Variants in SLCO1B3 observed in about 807,000 individuals in gnomAD.
SLCO1B3 encodes the protein solute carrier organic anion transporter family member 1B3, also known as liver-specific organic anion transporter 2.
Under a neutral mutation model 71.8 loss-of-function variants are expected in SLCO1B3, and 72 were observed. The observed-to-expected ratio is 1.00, with a 90% CI of 0.83 to 1.22. SLCO1B3 has a LOEUF of 1.22. Ranked by LOEUF, SLCO1B3 falls within the 50% of genes most tolerant of loss-of-function variation. The pLI, the probability that SLCO1B3 is intolerant of heterozygous loss-of-function variation, is 0.00. For missense variants in SLCO1B3, 911 were observed against 819.7 expected (o/e 1.11, Z -1.36); for synonymous variants, 298 against 278.4 (o/e 1.07, Z -0.70).
intron 15 of SLCO1B3, among the ~76,000 whole-genome samples, chr12:20,913,917 A>G (rs1295145276): frequency 2.6e-5 from 4 of 151,898 alleles, no homozygotes; most frequent in Non-Finnish European, 5.9e-5. Context: ...ATGCCTAGCT[A>G]ATTTTTTGAT....
intron 3 of SLCO1B3, among the ~76,000 whole-genome samples, chr12:20,847,527 T>G (rs2121196071): frequency 8.2e-6 from 1 of 121,722 alleles, no homozygotes; most frequent in East Asian, 2.2e-4. Context: ...ACAACCCAGC[T>G]TTCAGAATTA....
At chr12:20,878,349 T>C (rs1445696956) in intron 10 of SLCO1B3, among the ~76,000 whole-genome samples, 1 of 152,128 alleles carries the variant, frequency 6.6e-6, no homozygotes, top group African/African-American at 2.4e-5. Context: ...AGACATAATA[T>C]TAATCTTTTC....
chr12:20,837,003 A>G lies in SLCO1B3; in HGVS notation c.85-18025A>G, dbSNP rs192394732. On this transcript the variant is annotated intron_variant, in intron 3 of 15. Transcript: ENST00000381545. The stretch of plus-strand genomic sequence containing the variant: ...TAATTTCTTAAACAGATAAAGGCCT[A>G]ATTCAGATCATCAGTTTTTTCTTGT... Among the ~76,000 whole-genome samples, 701 of 152,312 alleles carry G rather than the reference A, an allele frequency of 4.6e-3. 4 individuals carry two copies. Among genetic ancestry groups the G allele is most frequent in the African/African-American group, 0.015 (629 of 41,570 alleles).
chr12:20,916,195 C>T lies in SLCO1B3; in HGVS notation c.2057C>T (p.Thr686Ile). The T allele has an allele frequency of 6.2e-7, 1 of 1,612,340 alleles. No individual in the cohort carries two copies. Among genetic ancestry groups the T allele is most frequent in the South Asian group, 1.1e-5 (1 of 91,052 alleles). The change falls in exon 16 of 16, where the codon ACA becomes ATA. Residue 686 changes from threonine (T) to isoleucine (I), a missense_variant. Transcript: ENST00000381545. ...GAACATTTTGTACCTTCTGCTGGAA[C>T]AGATAGTAAAACATGTAATTTGGAC... ...NGEHFVPSAG[T>I]DSKTCNLDMQ...
chr12:20,867,560 T>G (rs959669726), intron 8 of SLCO1B3, among the ~76,000 whole-genome samples: 1 of 152,078 alleles, frequency 6.6e-6, no homozygotes, highest in African/African-American at 2.4e-5. Flanking sequence ...TGAACTAATG[T>G]CAGATGATGA....
At chr12:20,891,882 T>G (rs1243060023) in intron 13 of SLCO1B3, among the ~76,000 whole-genome samples, 2 of 152,106 alleles carry the variant, frequency 1.3e-5, no homozygotes, top group African/African-American at 4.8e-5. Context: ...TTGTGTCTGC[T>G]TCTCGTAATA....
At chr12:20,900,780 G>C (rs971042363) in intron 14 of SLCO1B3, among the ~76,000 whole-genome samples, 1 of 152,154 alleles carries the variant, frequency 6.6e-6, no homozygotes, top group East Asian at 1.9e-4. Flanking sequence ...GAGCCTAGAA[G>C]GAAGTAAAAC....
intron 3 of SLCO1B3, among the ~76,000 whole-genome samples, chr12:20,843,600 G>C (rs986426315): frequency 1.3e-5 from 2 of 152,018 alleles, no homozygotes; most frequent in African/African-American, 4.8e-5. Context: ...CTAACATGGT[G>C]AAACCCCGTC....
At chr12:20,887,904 T>C in intron 13 of SLCO1B3, among the ~76,000 whole-genome samples, 1 of 151,928 alleles carries the variant, frequency 6.6e-6, no homozygotes, top group Non-Finnish European at 1.5e-5. Flanking sequence ...TTTTTATATA[T>C]GGTGAGAGAT....
chr12:20,909,168 T>TC (rs1555161670), intron 15 of SLCO1B3, among the ~76,000 whole-genome samples: 42 of 145,620 alleles, frequency 2.9e-4, no homozygotes, highest in African/African-American at 9.7e-4. Context: ...TCTTTTTCTT[T>TC]TTTTTTTTTT....
chr12:20,818,119 T>G (rs1015478300), intron 3 of SLCO1B3, among the ~76,000 whole-genome samples: 1 of 152,104 alleles, frequency 6.6e-6, no homozygotes, highest in Admixed American at 6.5e-5. Context: ...TGGGGCCTAA[T>G]AAAAAGGAGC....
intron 15 of SLCO1B3, among the ~76,000 whole-genome samples, chr12:20,909,819 G>A (rs908335286): frequency 3.9e-5 from 6 of 151,950 alleles, no homozygotes; most frequent in South Asian, 2.1e-4. Flanking sequence ...CAGGGAATCC[G>A]CTAACCTTAG....
chr12:20,844,424 G>C (rs189092260), intron 3 of SLCO1B3, among the ~76,000 whole-genome samples: 1 of 151,848 alleles, frequency 6.6e-6, no homozygotes, highest in East Asian at 2.0e-4. Flanking sequence ...AAATTAGCCA[G>C]GCATGGTGGC....
At chr12:20,861,964 CAAAAG>C (rs1236428640) in intron 6 of SLCO1B3, among the ~76,000 whole-genome samples, 8 of 151,686 alleles carry the variant, frequency 5.3e-5, no homozygotes, top group Non-Finnish European at 1.0e-4. Flanking sequence ...TTTGTAACGA[CAAAAG>C]AAGAGATTGT....
chr12:20,856,655 G>A, intron 4 of SLCO1B3, among the ~76,000 whole-genome samples: 1 of 152,176 alleles, frequency 6.6e-6, no homozygotes, highest in East Asian at 1.9e-4. Context: ...CACCTCCTGG[G>A]TTTAAGCAAT....
intron 13 of SLCO1B3, 134 bp downstream of exon 13, chr12:20,883,736 G>T (rs574945098): frequency 3.4e-6 from 2 of 581,912 alleles, no homozygotes; most frequent in South Asian, 2.6e-5. Context: ...CATTTTCTTA[G>T]AATTATTTTG....
chr12:20,819,109 T>C lies in SLCO1B3; in HGVS notation c.84+3287T>C, dbSNP rs370528919. ...CAGCGGCAGCCGCTGCACGCGGACA[T>C]GAGGGCTAGGCTAAAACAGTAAGGT... On this transcript the variant is annotated intron_variant, in intron 3 of 15. Coordinates refer to ENST00000381545, the MANE Select transcript of SLCO1B3 (RefSeq NM_019844.4). Among the ~76,000 whole-genome samples, 162 of 152,208 alleles carry C rather than the reference T, an allele frequency of 1.1e-3. 4 individuals are homozygous for C. In the South Asian group the frequency reaches 0.033, roughly 31 times the overall value.
chr12:20,913,783 A>T (rs565528303), intron 15 of SLCO1B3, among the ~76,000 whole-genome samples: 2 of 152,118 alleles, frequency 1.3e-5, no homozygotes, highest in Admixed American at 1.3e-4. Flanking sequence ...ATGGGGTCTC[A>T]CTCTGCTACC....
chr12:20,836,053 G>A (rs1032060399), intron 3 of SLCO1B3, among the ~76,000 whole-genome samples: 1 of 152,212 alleles, frequency 6.6e-6, no homozygotes, highest in Admixed American at 6.5e-5. Flanking sequence ...AGGCAGAAGA[G>A]TGTGTACAGG....
Sources: gnomAD v4.1 joint callset for allele counts (sites outside exome capture counted in the v4.1 genomes callset) on GRCh38, gnomAD v4.1.1 for gene constraint, MANE v1.5 for transcripts, NCBI Gene and HGNC (gene_info 2026-07-23, HGNC 2026-07-21) for gene names.